CROT: variants seen among roughly 807,000 people sequenced by gnomAD.
CROT encodes the protein carnitine O-octanoyltransferase.
CROT carries 84 observed loss-of-function variants against 89.2 expected under a neutral mutation model. The observed-to-expected ratio is 0.94, with a 90% confidence interval of 0.79 to 1.13. CROT has a LOEUF of 1.13. Among genes scored for constraint, CROT ranks in the 50% most tolerant of loss-of-function variants. The pLI is 0.00. For missense variants in CROT, 711 were observed against 727.8 expected (o/e 0.98, Z 0.27); for synonymous variants, 212 against 239.5 (o/e 0.89, Z 1.06).
In CROT at chr7:87,371,985, C is replaced by T. The variant is rs1288428751; in HGVS notation, c.656+2501C>T. ...CTCCAGCCTGGGTGACAGAGCAAGA[C>T]GCTGTCTCAAAAAAAAAAAAACAAA... On this transcript the variant is annotated intron_variant, in intron 7 of 17. Coordinates refer to ENST00000331536, the MANE Select transcript of CROT (RefSeq NM_021151.4). Among the ~76,000 whole-genome samples the T allele has an allele frequency of 1.2e-4, 16 of 128,918 alleles. No individual in the cohort carries two copies. In the East Asian group the frequency reaches 3.0e-3, roughly 24 times the overall value. The allele number at this position is 128,918 out of a possible 152,430, so 84.6% of individuals were successfully genotyped here.
At chr7:87,392,321 T>C (rs1249046877) in intron 14 of CROT, among the ~76,000 whole-genome samples, 2 of 152,222 alleles carry the variant, frequency 1.3e-5, no homozygotes, top group African/African-American at 4.8e-5. Context: ...CTTGTTAGTG[T>C]CACTTCAGTG....
At chr7:87,359,090 T>C in intron 3 of CROT, 116 bp from the exon 4 acceptor site, 1 of 732,164 alleles carries the variant, frequency 1.4e-6, no homozygotes. Context: ...CTCTGCTATT[T>C]AATACAGTAC....
chr7:87,389,580 A>C (rs1807294218), intron 13 of CROT, among the ~76,000 whole-genome samples: 3 of 152,060 alleles, frequency 2.0e-5, no homozygotes, highest in Non-Finnish European at 4.4e-5. Context: ...CAATGAGAAT[A>C]CATGGACACA....
intron 17 of CROT, among the ~76,000 whole-genome samples, chr7:87,393,855 A>C (rs888466219): frequency 1.3e-5 from 2 of 152,238 alleles, no homozygotes; most frequent in African/African-American, 4.8e-5. Context: ...GGGCACACTT[A>C]CATGCAGATT....
At chr7:87,369,621 T>G (rs67535116) in intron 7 of CROT, 137 bp downstream of exon 7, 1 of 29,730 alleles carries the variant, frequency 3.4e-5, no homozygotes, top group Non-Finnish European at 1.3e-4. Context: ...TAAAAAAAAA[T>G]CTATTTGTAT....
chr7:87,361,323 A>G, intron 4 of CROT, 67 bp from the exon 5 acceptor site: 1 of 1,429,592 alleles, frequency 7.0e-7, no homozygotes, highest in Non-Finnish European at 9.6e-7. Flanking sequence ...TGCTTTTTAA[A>G]ATTCCCAGTA....
At chr7:87,375,768 A>G in intron 8 of CROT, 43 bp downstream of exon 8, 1 of 1,611,500 alleles carries the variant, frequency 6.2e-7, no homozygotes, top group African/African-American at 1.3e-5. Context: ...TCTCTAACAA[A>G]CTCTTTTGAT....
At chr7:87,378,226 C>G (rs945192907) in intron 10 of CROT, among the ~76,000 whole-genome samples, 3 of 151,782 alleles carry the variant, frequency 2.0e-5, no homozygotes, top group Non-Finnish European at 4.4e-5. Context: ...CGCCTGTGAT[C>G]CCAGCTACTT....
chr7:87,365,470 G>T (rs1488211432), intron 6 of CROT, among the ~76,000 whole-genome samples: 4 of 149,734 alleles, frequency 2.7e-5, no homozygotes, highest in African/African-American at 7.4e-5. Context: ...GGCCTGGGCG[G>T]CAGAGTGAGA....
At chr7:87,393,450 A>C (rs1016910591) in intron 17 of CROT, among the ~76,000 whole-genome samples, 3 of 152,214 alleles carry the variant, frequency 2.0e-5, no homozygotes, top group Admixed American at 2.0e-4. Context: ...GATAGAGAAA[A>C]GAGATTGGGT....
Position 87,345,747 on chromosome 7 carries a change from G to C in CROT, c.-133G>C, listed in dbSNP as rs1485481010. 3 of 324,264 alleles carry C rather than the reference G, an allele frequency of 9.3e-6. No individual in the cohort carries two copies. The highest frequency in any genetic ancestry group is 1.1e-5 in the Non-Finnish European group (2 of 181,164). 20.1% of individuals were successfully genotyped at this position (324,264 alleles called of 1,614,324 possible). A position where few individuals can be genotyped will look rare whatever the true frequency, so the allele number is the denominator to read the frequency against. On this transcript the variant is annotated 5_prime_UTR_variant, in exon 1 of 18. Coordinates refer to ENST00000331536, the MANE Select transcript of CROT (RefSeq NM_021151.4). ...GAGGCTGCGGCAGAGGCGGCGAGGC[G>C]CGGGCGGTGAGGACGGACAGGTCCG...
At chr7:87,393,768 AT>A (rs1382591519) in intron 17 of CROT, among the ~76,000 whole-genome samples, 1 of 152,202 alleles carries the variant, frequency 6.6e-6, no homozygotes, top group Non-Finnish European at 1.5e-5. Context: ...AATGTGAAAA[AT>A]TGGAATAGTA....
chr7:87,360,238 A>G, intron 4 of CROT: 2 of 332,184 alleles, frequency 6.0e-6, no homozygotes, highest in Non-Finnish European at 8.6e-6. Context: ...TTACTTATGC[A>G]TGGAATTCAA....
chr7:87,363,294 A>G (rs1806338004), intron 6 of CROT, among the ~76,000 whole-genome samples: 1 of 152,212 alleles, frequency 6.6e-6, no homozygotes, highest in South Asian at 2.1e-4. Context: ...ATAAAGTGTG[A>G]GGTAGACATG....
chr7:87,386,037 C>A (rs1238160208), intron 13 of CROT, among the ~76,000 whole-genome samples: 1 of 152,076 alleles, frequency 6.6e-6, no homozygotes, highest in Non-Finnish European at 1.5e-5. Context: ...GGTGAGTGAT[C>A]TTTTTAATGT....
intron 7 of CROT, among the ~76,000 whole-genome samples, chr7:87,373,295 A>T (rs1806698612): frequency 6.6e-6 from 1 of 151,986 alleles, no homozygotes; most frequent in African/African-American, 2.4e-5. Flanking sequence ...TTGTTTTTTT[A>T]TTATTGAATT....
intron 3 of CROT, chr7:87,354,404 G>C (rs763079942): frequency 5.8e-6 from 3 of 518,458 alleles, no homozygotes; most frequent in Non-Finnish European, 1.2e-5. Flanking sequence ...GATTTAACTG[G>C]ACCTAGGAAG....
chr7:87,365,214 C>G (rs6968506), intron 6 of CROT, among the ~76,000 whole-genome samples: 2,115 of 152,184 alleles, frequency 0.014, 47 homozygotes, highest in African/African-American at 0.048. Flanking sequence ...TTGGGCCAGG[C>G]CTGGTGGCTC....
intron 7 of CROT, among the ~76,000 whole-genome samples, chr7:87,374,121 T>C (rs1436008974): frequency 6.6e-6 from 1 of 152,082 alleles, no homozygotes; most frequent in Non-Finnish European, 1.5e-5. Flanking sequence ...AAAAAATATA[T>C]GATTCTGTAA....
Sources: gnomAD v4.1 joint callset for allele counts (sites outside exome capture counted in the v4.1 genomes callset) on GRCh38, gnomAD v4.1.1 for gene constraint, MANE v1.5 for transcripts, NCBI Gene and HGNC (gene_info 2026-07-23, HGNC 2026-07-21) for gene names.